The following LNX2 variants were observed in gnomAD, a reference collection of about 807,000 sequenced individuals.
LNX2 encodes the protein ligand of Numb protein X 2.
In LNX2, 35 loss-of-function variants were observed where a neutral mutation model predicts 66.2. The observed-to-expected ratio is 0.53, with a 90% CI of 0.40 to 0.70. The LOEUF (loss-of-function observed/expected upper bound fraction) is 0.70. Ranked by LOEUF, LNX2 falls within the 30% of genes least tolerant of loss-of-function variation. LNX2 has a pLI of 0.00. For synonymous variants in LNX2, 337 were observed against 315.6 expected (o/e 1.07, Z -0.72); for missense variants, 791 against 850.8 (o/e 0.93, Z 0.87).
chr13:27,609,247 GA>G (rs1159756234), intron 1 of LNX2, among the ~76,000 whole-genome samples: 1 of 151,210 alleles, frequency 6.6e-6, no homozygotes, highest in African/African-American at 2.4e-5. Flanking sequence ...CCGCCTCCCG[GA>G]TTCAAGCAGT....
chr13:27,550,203 G>T, intron 9 of LNX2, 130 bp downstream of exon 9: 2 of 708,666 alleles, frequency 2.8e-6, no homozygotes, highest in Non-Finnish European at 2.3e-6. Context: ...AGTAAGTGTA[G>T]CTGCACTGCA....
chr13:27,601,675 C>T (rs1241088939), intron 1 of LNX2, among the ~76,000 whole-genome samples: 1 of 151,942 alleles, frequency 6.6e-6, no homozygotes, highest in Non-Finnish European at 1.5e-5. Flanking sequence ...TAATATTTTC[C>T]CAAAAATTTT....
intron 1 of LNX2, among the ~76,000 whole-genome samples, chr13:27,593,887 C>T (rs78786396): frequency 0.033 from 4,989 of 151,728 alleles, 111 homozygotes; most frequent in Middle Eastern, 0.061. Flanking sequence ...TGAGCCACCA[C>T]GCCCAGTCTG....
chr13:27,598,978 CA>C (rs1955627628), intron 1 of LNX2, among the ~76,000 whole-genome samples: 1 of 152,116 alleles, frequency 6.6e-6, no homozygotes, highest in Non-Finnish European at 1.5e-5. Flanking sequence ...CTCAGTCTCA[CA>C]AAAAATTTTC....
chr13:27,558,845 T>C (rs760471499), intron 6 of LNX2, among the ~76,000 whole-genome samples: 82 of 152,076 alleles, frequency 5.4e-4, no homozygotes, highest in Non-Finnish European at 9.3e-4. Flanking sequence ...GAAAACCATA[T>C]AAACCCAATG....
At position 27,574,620 on chromosome 13, in the gene LNX2, G is replaced by C. The variant is rs142167473; in HGVS notation, c.408-5344C>G. On this transcript the variant is annotated intron_variant, in intron 2 of 9. Coordinates refer to ENST00000316334, the MANE Select transcript of LNX2 (RefSeq NM_153371.4). ...ATAATGAGAGTTCCAAAAGGAGAGA[G>C]AGTGAAAGGAGTAGAAAGAATATTT... Among the ~76,000 whole-genome samples, 625 of 151,976 alleles carry C rather than the reference G, an allele frequency of 4.1e-3. 2 individuals are homozygous for C. The highest frequency in any genetic ancestry group is 5.8e-3 in the Non-Finnish European group (393 of 67,996).
chr13:27,619,985 C>A (rs754008586), intron 1 of LNX2, among the ~76,000 whole-genome samples: 3 of 152,070 alleles, frequency 2.0e-5, no homozygotes, highest in Non-Finnish European at 4.4e-5. Flanking sequence ...ATTGCCGACA[C>A]CACACACACA....
In LNX2 at chr13:27,569,340, G is replaced by A. The variant is rs562095620; in HGVS notation, c.408-64C>T. 7.1e-6 allele frequency: 11 copies of A among 1,546,200 alleles called. No homozygotes were observed. In the African/African-American group the frequency reaches 1.5e-4, roughly 21 times the overall value. On this transcript the variant is annotated intron_variant, in intron 2 of 9. Transcript: ENST00000316334. ...AAAACAAACAAACAAATAAAATAGG[G>A]AGGGGGACTAATAGCTTCTACACAA...
intron 1 of LNX2, among the ~76,000 whole-genome samples, chr13:27,604,912 A>T (rs929317269): frequency 4.1e-5 from 6 of 145,338 alleles, no homozygotes; most frequent in African/African-American, 1.3e-4. Flanking sequence ...TTAATGGGGG[A>T]AAAACAGACC....
At chr13:27,565,492 A>G (rs536650921) in intron 4 of LNX2, among the ~76,000 whole-genome samples, 2 of 152,194 alleles carry the variant, frequency 1.3e-5, no homozygotes, top group Non-Finnish European at 2.9e-5. Flanking sequence ...AATGAGCTGT[A>G]AGAGTCGCTC....
At chr13:27,550,620 A>G in intron 8 of LNX2, 129 bp from the exon 9 acceptor site, 1 of 664,754 alleles carries the variant, frequency 1.5e-6, no homozygotes, top group South Asian at 2.2e-5. Context: ...ATTAATAAAT[A>G]GATTATTTTG....
chr13:27,616,708 T>C (rs1465387797), intron 1 of LNX2, among the ~76,000 whole-genome samples: 1 of 152,248 alleles, frequency 6.6e-6, no homozygotes, highest in Non-Finnish European at 1.5e-5. Flanking sequence ...GCATACTAAC[T>C]AGAGGACAAT....
chr13:27,585,588 G>A lies in LNX2; in HGVS notation c.-100-3785C>T, dbSNP rs540322481. ...CTTTGAGCATCGTAACTTTTAACATGTCAGTGCAAGTACATGAGATTAAGG... is the reference window on the plus strand; with the variant it reads ...CTTTGAGCATCGTAACTTTTAACATATCAGTGCAAGTACATGAGATTAAGG... On this transcript the variant is annotated intron_variant, in intron 1 of 9. Transcript: ENST00000316334. Among the ~76,000 whole-genome samples the A allele has an allele frequency of 2.1e-3, 325 of 152,154 alleles. 1 individual carries two copies. The highest frequency in any genetic ancestry group is 0.01 in the South Asian group (50 of 4,824).
chr13:27,595,294 C>A (rs1351646754), intron 1 of LNX2, among the ~76,000 whole-genome samples: 7 of 152,226 alleles, frequency 4.6e-5, no homozygotes, highest in Non-Finnish European at 2.9e-5. Context: ...TCCACTGCCA[C>A]TTATCACAGT....
At chr13:27,599,421 T>C (rs1407087447) in intron 1 of LNX2, among the ~76,000 whole-genome samples, 1 of 152,194 alleles carries the variant, frequency 6.6e-6, no homozygotes, top group Non-Finnish European at 1.5e-5. Flanking sequence ...GGAATCCCAC[T>C]TGGTTTTTCC....
chr13:27,593,563 CTT>C (rs35280780), intron 1 of LNX2, among the ~76,000 whole-genome samples: 26 of 115,528 alleles, frequency 2.3e-4, no homozygotes, highest in Admixed American at 1.2e-3. Context: ...CTGGCTGAAA[CTT>C]TTTTTTTTTT....
At chr13:27,610,466 T>C (rs962391359) in intron 1 of LNX2, among the ~76,000 whole-genome samples, 5 of 152,216 alleles carry the variant, frequency 3.3e-5, no homozygotes, top group African/African-American at 9.7e-5. Flanking sequence ...ATATTTTGTT[T>C]GGACCCTTAT....
chr13:27,568,046 TAATA>T (rs1955227756), intron 3 of LNX2, among the ~76,000 whole-genome samples: 3 of 152,108 alleles, frequency 2.0e-5, no homozygotes, highest in South Asian at 2.1e-4. Flanking sequence ...GATCAGTAAA[TAATA>T]AATAGCTACT....
chr13:27,572,877 C>T (rs1001637349), intron 2 of LNX2, among the ~76,000 whole-genome samples: 2 of 152,118 alleles, frequency 1.3e-5, no homozygotes, highest in Non-Finnish European at 2.9e-5. Flanking sequence ...AGAATGTGAA[C>T]ACCTTAGAAT....
Sources: gnomAD v4.1 joint callset for allele counts (sites outside exome capture counted in the v4.1 genomes callset) on GRCh38, gnomAD v4.1.1 for gene constraint, MANE v1.5 for transcripts, NCBI Gene and HGNC (gene_info 2026-07-23, HGNC 2026-07-21) for gene names.